The following CCDC192 variants were observed in gnomAD, a reference collection of about 807,000 sequenced individuals.
CCDC192 encodes the protein coiled-coil domain containing 192, also known as coiled-coil domain-containing protein 192.
At chr5:127,733,031 G>T (rs537682762) in intron 2 of CCDC192, among the ~76,000 whole-genome samples, 6 of 152,100 alleles carry the variant, frequency 3.9e-5, no homozygotes, top group Non-Finnish European at 8.8e-5. Context: ...AAAAAAGAAG[G>T]TCAAGGAAGA....
At chr5:127,797,727 G>T (rs1757235861) in intron 4 of CCDC192, among the ~76,000 whole-genome samples, 1 of 125,178 alleles carries the variant, frequency 8.0e-6, no homozygotes, top group African/African-American at 3.2e-5. Context: ...GATTTCATGT[G>T]AAGGTATATA....
chr5:127,784,726 G>A (rs1756437376), intron 3 of CCDC192: 4 of 555,164 alleles, frequency 7.2e-6, no homozygotes, highest in Admixed American at 6.3e-5. Context: ...TGAACCTGGA[G>A]GATAGCTGAG....
chr5:127,920,840 C>G (rs576818425), intron 6 of CCDC192, among the ~76,000 whole-genome samples: 112 of 151,978 alleles, frequency 7.4e-4, no homozygotes, highest in African/African-American at 2.6e-3. Flanking sequence ...GTGGGAGGAT[C>G]ACTTGAGCCC....
intron 6 of CCDC192, among the ~76,000 whole-genome samples, chr5:127,913,871 C>T (rs1753443676): frequency 6.6e-6 from 1 of 152,164 alleles, no homozygotes; most frequent in East Asian, 1.9e-4. Flanking sequence ...CTTGACTTAC[C>T]CCATGTGGAG....
intron 3 of CCDC192, among the ~76,000 whole-genome samples, chr5:127,778,109 C>G (rs1242825060): frequency 1.3e-5 from 2 of 151,990 alleles, no homozygotes; most frequent in East Asian, 3.9e-4. Flanking sequence ...ATGTGGATGT[C>G]TTATTTGTTC....
intron 5 of CCDC192, among the ~76,000 whole-genome samples, chr5:127,823,503 T>C (rs907476734): frequency 2.0e-5 from 3 of 152,252 alleles, no homozygotes; most frequent in Non-Finnish European, 4.4e-5. Context: ...CTGAAGACTA[T>C]TTTATTAATG....
At chr5:127,932,310 T>C (rs916193141) in intron 6 of CCDC192, among the ~76,000 whole-genome samples, 2 of 152,062 alleles carry the variant, frequency 1.3e-5, no homozygotes, top group Non-Finnish European at 2.9e-5. Flanking sequence ...GTTCAAGTGA[T>C]ACTCCCACCT....
At chr5:127,903,878 G>A (rs750605375) in intron 6 of CCDC192, among the ~76,000 whole-genome samples, 5 of 152,166 alleles carry the variant, frequency 3.3e-5, no homozygotes, top group African/African-American at 1.2e-4. Context: ...TTAAAGGAGA[G>A]TGAATTTCAT....
intron 5 of CCDC192, among the ~76,000 whole-genome samples, chr5:127,822,623 A>G (rs929089130): frequency 2.0e-5 from 3 of 152,212 alleles, no homozygotes; most frequent in African/African-American, 7.2e-5. Flanking sequence ...CTCACTGGTG[A>G]GTGGATGTCA....
chr5:127,811,793 T>C (rs1191159381), intron 5 of CCDC192, among the ~76,000 whole-genome samples: 1 of 152,134 alleles, frequency 6.6e-6, no homozygotes, highest in African/African-American at 2.4e-5. Flanking sequence ...GATAGAGTCA[T>C]TGGCAAGGTC....
chr5:127,839,376 G>C (rs550329632), intron 5 of CCDC192, among the ~76,000 whole-genome samples: 1 of 152,288 alleles, frequency 6.6e-6, no homozygotes, highest in South Asian at 2.1e-4. Flanking sequence ...ATATGTATTA[G>C]TATGCTACAA....
intron 5 of CCDC192, among the ~76,000 whole-genome samples, chr5:127,848,795 G>A (rs933578263): frequency 8.5e-5 from 13 of 152,210 alleles, no homozygotes; most frequent in Non-Finnish European, 1.6e-4. Flanking sequence ...CACTTAGGTC[G>A]TTCTGGGGAG....
intron 2 of CCDC192, among the ~76,000 whole-genome samples, chr5:127,748,880 G>C (rs1753947671): frequency 6.6e-6 from 1 of 150,890 alleles, no homozygotes. Context: ...ATTGTGAATG[G>C]GAGTTCACTC....
At chr5:127,820,603 T>C (rs1036384200) in intron 5 of CCDC192, among the ~76,000 whole-genome samples, 8 of 152,168 alleles carry the variant, frequency 5.3e-5, no homozygotes, top group Admixed American at 6.5e-5. Flanking sequence ...GTATCTAAAA[T>C]AAATAAATTT....
At chr5:127,733,778 C>G (rs1752783428) in intron 2 of CCDC192, among the ~76,000 whole-genome samples, 1 of 151,808 alleles carries the variant, frequency 6.6e-6, no homozygotes, top group South Asian at 2.1e-4. Context: ...TGACCCTGTC[C>G]ACCAAGCCAG....
At chr5:127,750,241 G>A (rs1377734227) in intron 2 of CCDC192, among the ~76,000 whole-genome samples, 2 of 152,022 alleles carry the variant, frequency 1.3e-5, no homozygotes, top group African/African-American at 4.8e-5. Context: ...GCTTTCTCTT[G>A]TGGGCATTTA....
At chr5:127,877,203 A>G (rs1554082910) in intron 6 of CCDC192, among the ~76,000 whole-genome samples, 2 of 152,134 alleles carry the variant, frequency 1.3e-5, no homozygotes, top group South Asian at 4.2e-4. Context: ...TTTCAATATT[A>G]TTTACTGTAT....
intron 2 of CCDC192, among the ~76,000 whole-genome samples, chr5:127,708,290 C>G (rs542843051): frequency 4.6e-5 from 7 of 152,226 alleles, no homozygotes; most frequent in South Asian, 2.1e-4. Context: ...AAAGCTGGGT[C>G]CTTTCTACCT....
intron 5 of CCDC192, among the ~76,000 whole-genome samples, chr5:127,840,075 G>A (rs1040424512): frequency 5.9e-5 from 9 of 152,202 alleles, no homozygotes; most frequent in African/African-American, 2.2e-4. Flanking sequence ...AAGACCCTGA[G>A]GGTGAAGGTT....
Sources: gnomAD v4.1 joint callset for allele counts (sites outside exome capture counted in the v4.1 genomes callset) on GRCh38, gnomAD v4.1.1 for gene constraint, MANE v1.5 for transcripts, NCBI Gene and HGNC (gene_info 2026-07-23, HGNC 2026-07-21) for gene names.